The following CCT5 variants were observed in gnomAD, a reference collection of about 807,000 sequenced individuals.
The protein encoded by CCT5 is T-complex protein 1 subunit epsilon.
In CCT5, 6 loss-of-function variants were observed where a neutral mutation model predicts 55.0. The ratio of observed to expected loss-of-function variants is 0.11; its 90% CI spans 0.06 to 0.22. The LOEUF (loss-of-function observed/expected upper bound fraction) is 0.22. Ranked by LOEUF, CCT5 falls within the 10% of genes least tolerant of loss-of-function variation. The pLI, the probability that CCT5 is intolerant of heterozygous loss-of-function variation, is 1.00. For synonymous variants in CCT5, 231 were observed against 243.7 expected (o/e 0.95, Z 0.49); for missense variants, 560 against 694.6 (o/e 0.81, Z 2.18).
rs1468982720 is a variant in CCT5, at chr5:10,265,044, T to A, written c.*261T>A. ...ATCTTCTCTTCGGGTTTAAGAAACG[T>A]TTATTGTAACAGTAATTAAATGCTG... On this transcript the variant is annotated 3_prime_UTR_variant, in exon 11 of 11. Coordinates refer to ENST00000280326, the MANE Select transcript of CCT5 (RefSeq NM_012073.5). 3 of 416,566 alleles carry A rather than the reference T, an allele frequency of 7.2e-6. No homozygotes were observed. The highest frequency in any genetic ancestry group is 6.1e-5 in the African/African-American group (3 of 49,524). The allele number at this position is 416,566 out of a possible 1,614,324, so 25.8% of individuals were successfully genotyped here.
intron 8 of CCT5, 45 bp from the exon 9 acceptor site, chr5:10,262,436 A>G: frequency 6.2e-7 from 1 of 1,611,304 alleles, no homozygotes; most frequent in Non-Finnish European, 8.5e-7. Context: ...CTCTAAATTG[A>G]CTAGATCTTG....
chr5:10,254,475 T>C (rs1208700165), intron 2 of CCT5, 199 bp from the exon 3 acceptor site: 1 of 633,204 alleles, frequency 1.6e-6, no homozygotes, highest in Non-Finnish European at 2.8e-6. Flanking sequence ...AACATTATAC[T>C]TAATGATGCT....
chr5:10,252,349 T>C (rs1054185387), intron 1 of CCT5, among the ~76,000 whole-genome samples: 3 of 152,228 alleles, frequency 2.0e-5, no homozygotes, highest in African/African-American at 7.2e-5. Context: ...TTAATGGTAA[T>C]GGTCACAGTT....
rs868592782 is a variant in CCT5, at chr5:10,262,045, C to T, written c.1179+300C>T. On this transcript the variant is annotated intron_variant, in intron 8 of 10. Transcript: ENST00000280326. ...GTCCTGGATTTTAGAATGTTTGATA[C>T]AGTTACATTAGGGGTTGGTTAAACT... 5.3e-4 allele frequency: 224 copies of T among 420,786 alleles called. 1 individual carries two copies. The highest frequency in any genetic ancestry group is 5.3e-4 in the South Asian group (25 of 47,122). The allele number at this position is 420,786 out of a possible 1,614,324, so 26.1% of individuals were successfully genotyped here.
At chr5:10,261,926 C>A in intron 8 of CCT5, 181 bp downstream of exon 8, 1 of 679,454 alleles carries the variant, frequency 1.5e-6, no homozygotes, top group Admixed American at 2.1e-5. Context: ...TTTCACAAGG[C>A]ACATTTGCCT....
intron 6 of CCT5, among the ~76,000 whole-genome samples, chr5:10,259,125 G>A (rs991100778): frequency 2.0e-5 from 3 of 152,196 alleles, no homozygotes; most frequent in Non-Finnish European, 2.9e-5. Context: ...TAAGATTTCT[G>A]ACTATACCTT....
intron 1 of CCT5, 80 bp from the exon 2 acceptor site, chr5:10,254,065 T>G (rs1176885087): frequency 8.6e-6 from 8 of 927,588 alleles, no homozygotes; most frequent in Non-Finnish European, 1.3e-5. Flanking sequence ...TCATAAGTGA[T>G]TTTTGTAGTC....
At position 10,250,504 on chromosome 5, in the gene CCT5, C is replaced by T. The variant is rs1171174520; in HGVS notation, c.105+59C>T. On this transcript the variant is annotated intron_variant, in intron 1 of 10. Transcript: ENST00000280326. ...AGGGGAGGTGGCCGAGGCCGTGGCT[C>T]TGCGCCTGCGCGAGTTGAGGAGCGG... 7 of 1,599,060 alleles carry T rather than the reference C, an allele frequency of 4.4e-6. No homozygotes were observed. The East Asian group carries it at 1.1e-4, about 26-fold the overall frequency.
intron 10 of CCT5, among the ~76,000 whole-genome samples, chr5:10,264,046 GT>G (rs1746109482): frequency 6.6e-6 from 1 of 152,198 alleles, no homozygotes. Context: ...GCCAAGCCGG[GT>G]GGATCACCTG....
Position 10,263,184 on chromosome 5 carries a change from G to A in CCT5, c.1368G>A (p.Glu456=). 1 of 1,614,178 alleles carries A rather than the reference G, an allele frequency of 6.2e-7. No individual in the cohort carries two copies. The highest frequency in any genetic ancestry group is 1.3e-5 in the African/African-American group (1 of 75,036). Residue 456 remains glutamate (E), a synonymous_variant, in exon 10 of 11, where the codon GAG becomes GAA. Transcript: ENST00000280326. Reference sequence around the variant, plus strand: ...TGAGAGCGTTTGCCGACGCACTGGAGGTCATCCCCATGGCCCTCTCTGAAA... The same window carrying A: ...TGAGAGCGTTTGCCGACGCACTGGAAGTCATCCCCATGGCCCTCTCTGAAA... The part of the protein sequence containing the change: ...YAMRAFADAL[E]VIPMALSENS...
At position 10,265,645 on chromosome 5, in the gene CCT5, A is replaced by G. The variant is rs1746191619; in HGVS notation, c.*862A>G. 1 of 152,090 alleles carries G rather than the reference A, an allele frequency of 6.6e-6. No individual in the cohort carries two copies. The highest frequency in any genetic ancestry group is 1.5e-5 in the Non-Finnish European group (1 of 68,026). The allele number at this position is 152,090 out of a possible 1,614,324, so 9.4% of individuals were successfully genotyped here. ...CTGTTCTGACAACCCAGTGAGGCAG[A>G]TACACTTTCTTACTGCTCACATCTT... is the stretch of plus-strand genomic sequence containing the variant. On this transcript the variant is annotated 3_prime_UTR_variant, in exon 11 of 11. Transcript: ENST00000280326.
intron 4 of CCT5, among the ~76,000 whole-genome samples, chr5:10,256,980 G>A (rs1289728277): frequency 6.6e-6 from 1 of 152,202 alleles, no homozygotes; most frequent in African/African-American, 2.4e-5. Flanking sequence ...GCCAAGGGGT[G>A]CGCTGATTAT....
At position 10,250,544 on chromosome 5, in the gene CCT5, C is replaced by T. The variant is rs550211361; in HGVS notation, c.105+99C>T. 7.3e-5 allele frequency: 113 copies of T among 1,548,300 alleles called. 3 individuals are homozygous for T. The South Asian group carries it at 1.3e-3, about 17-fold the overall frequency. On this transcript the variant is annotated intron_variant, in intron 1 of 10. Transcript: ENST00000280326. ...TTGAGGAGCGGCTCTGCCATGTGCTCCCCGGAAAGGTCGAGAATCTCCGTC... is the reference window on the plus strand; with the variant it reads ...TTGAGGAGCGGCTCTGCCATGTGCTTCCCGGAAAGGTCGAGAATCTCCGTC...
chr5:10,252,347 A>G (rs1466910467), intron 1 of CCT5, among the ~76,000 whole-genome samples: 1 of 152,246 alleles, frequency 6.6e-6, no homozygotes, highest in Non-Finnish European at 1.5e-5. Context: ...TTTTAATGGT[A>G]ATGGTCACAG....
rs1745642318 is a variant in CCT5, at chr5:10,255,761, CAT to C, written c.332-193_332-192del. Among the ~76,000 whole-genome samples, 6 of 152,340 alleles carry C rather than the reference CAT, an allele frequency of 3.9e-5. 1 individual carries two copies. Among genetic ancestry groups the C allele is most frequent in the South Asian group, 4.1e-4 (2 of 4,830 alleles). On this transcript the variant is annotated intron_variant, in intron 3 of 10. Transcript: ENST00000280326. ...TTGAATGTTCATCTGTAAGGGGACA[CAT>C]GTCCTATTCGACCTTCGCTAGAACT...
intron 3 of CCT5, among the ~76,000 whole-genome samples, chr5:10,255,504 C>T (rs543100282): frequency 4.6e-5 from 7 of 150,924 alleles, no homozygotes; most frequent in African/African-American, 1.2e-4. Flanking sequence ...GCACTGTTCT[C>T]GGTGCGCTTG....
chr5:10,257,410 C>T (rs1207980787), intron 4 of CCT5, among the ~76,000 whole-genome samples: 1 of 152,154 alleles, frequency 6.6e-6, no homozygotes, highest in African/African-American at 2.4e-5. Flanking sequence ...ATAAGTTGGC[C>T]TTGTTCTGTT....
chr5:10,261,617 G>C lies in CCT5; in HGVS notation c.1051G>C (p.Glu351Gln). 4 of 1,614,166 alleles carry C rather than the reference G, an allele frequency of 2.5e-6. No homozygotes were observed. Among genetic ancestry groups the C allele is most frequent in the Non-Finnish European group, 3.4e-6 (4 of 1,180,034 alleles). Residue 351 changes from glutamate (E) to glutamine (Q), a missense_variant, in exon 8 of 11, where the codon GAG (glutamate) becomes CAG (glutamine). Glu to Gln is a conservative substitution (Grantham distance 29, BLOSUM62 2). Transcript: ENST00000280326. ...IVPRFSELTA[E>Q]KLGFAGLVQE... ...CCCCAGGTTCTCAGAGCTCACAGCC[G>C]AGAAGCTGGGCTTTGCTGGTCTTGT...
chr5:10,261,287 C>T, intron 7 of CCT5: 1 of 516,006 alleles, frequency 1.9e-6, no homozygotes, highest in Admixed American at 3.2e-5. Context: ...TGAGGGAGGG[C>T]TGCACAGATG....
Sources: gnomAD v4.1 joint callset for allele counts (sites outside exome capture counted in the v4.1 genomes callset) on GRCh38, gnomAD v4.1.1 for gene constraint, MANE v1.5 for transcripts, NCBI Gene and HGNC (gene_info 2026-07-23, HGNC 2026-07-21) for gene names.